The following TRIP12 variants were observed in gnomAD, a reference collection of about 807,000 sequenced individuals.
TRIP12 encodes E3 ubiquitin-protein ligase TRIP12.
A neutral mutation model predicts 244.2 loss-of-function variants in TRIP12; 25 were observed. That is an observed-to-expected ratio of 0.10 (90% CI 0.07 to 0.14). The LOEUF (loss-of-function observed/expected upper bound fraction) is 0.14, where lower values mean the gene tolerates loss of function less well. Among genes scored for constraint, TRIP12 ranks in the 10% least tolerant of loss-of-function variants. The pLI, the probability that TRIP12 is intolerant of heterozygous loss-of-function variation, is 1.00. For missense variants in TRIP12, 1,677 were observed against 2,486.4 expected (o/e 0.67, Z 6.92); for synonymous variants, 905 against 873.1 (o/e 1.04, Z -0.64).
At chr2:229,901,590 T>C (rs2070850666) in intron 1 of TRIP12, among the ~76,000 whole-genome samples, 1 of 143,360 alleles carries the variant, frequency 7.0e-6, no homozygotes, top group African/African-American at 2.6e-5. Context: ...ACCACTGCAC[T>C]CCAGCCTGGG....
At chr2:229,893,862 G>T (rs1385802440) in intron 1 of TRIP12, among the ~76,000 whole-genome samples, 4 of 152,162 alleles carry the variant, frequency 2.6e-5, no homozygotes, top group Admixed American at 2.6e-4. Flanking sequence ...GTGCCGCCAT[G>T]CCTGGCTTTC....
At chr2:229,865,325 AAAAAAAAAAAAAAAAAAAGAAAG>A (rs913464582) in intron 2 of TRIP12, among the ~76,000 whole-genome samples, 6 of 55,684 alleles carry the variant, frequency 1.1e-4, no homozygotes, top group East Asian at 1.0e-3. Context: ...CTACAAAAAA[AAAAAAAAAAAAAAAAAAAGAAAG>A]AAAGAAAGCA....
chr2:229,777,547 A>T, intron 36 of TRIP12, 68 bp from the exon 37 acceptor site: 1 of 1,489,218 alleles, frequency 6.7e-7, no homozygotes, highest in Non-Finnish European at 9.3e-7. Context: ...CATCTAAGGC[A>T]CTTCAGGAGA....
At chr2:229,880,167 C>CA (rs2064525352) in intron 1 of TRIP12, 39 bp from the exon 2 acceptor site, 1 of 1,247,696 alleles carries the variant, frequency 8.0e-7, no homozygotes, top group Non-Finnish European at 1.1e-6. Context: ...ATCAGATGTA[C>CA]AAAATACAAT....
At chr2:229,909,188 T>C (rs574050276) in intron 1 of TRIP12, among the ~76,000 whole-genome samples, 19 of 152,176 alleles carry the variant, frequency 1.2e-4, no homozygotes, top group African/African-American at 4.3e-4. Context: ...ACATTTTATA[T>C]ATCTTTATAA....
intron 2 of TRIP12, among the ~76,000 whole-genome samples, chr2:229,871,597 C>T (rs950886634): frequency 6.6e-6 from 1 of 152,164 alleles, no homozygotes; most frequent in African/African-American, 2.4e-5. Flanking sequence ...TCCCTGAGGC[C>T]CTCACCAGGA....
In TRIP12 at chr2:229,796,553, A is replaced by AT. The variant is rs761226312; in HGVS notation, c.3816+37dup. Reference sequence around the variant, plus strand: ...AAAATATATGCATTAGTGAGCACTGATTCTTAAAAGATACACAGGCATTAT... The same window carrying AT: ...AAAATATATGCATTAGTGAGCACTGATTTCTTAAAAGATACACAGGCATTAT... On this transcript the variant is annotated intron_variant, in intron 25 of 41. Transcript: ENST00000675903. The AT allele has an allele frequency of 9.4e-5, 143 of 1,514,014 alleles. No homozygotes were observed. In the Middle Eastern group the frequency reaches 1.4e-3, roughly 15 times the overall value. 93.8% of individuals were successfully genotyped at this position (1,514,014 alleles called of 1,614,324 possible).
At chr2:229,864,215 G>C (rs1402736645) in intron 2 of TRIP12, among the ~76,000 whole-genome samples, 1 of 152,228 alleles carries the variant, frequency 6.6e-6, no homozygotes, top group East Asian at 1.9e-4. Context: ...GATGGGCCCA[G>C]AGCACACAAA....
intron 1 of TRIP12, among the ~76,000 whole-genome samples, chr2:229,885,523 C>T (rs917536373): frequency 6.6e-6 from 1 of 152,144 alleles, no homozygotes; most frequent in African/African-American, 2.4e-5. Context: ...CAGTTCTGAA[C>T]TACACACACC....
intron 36 of TRIP12, 40 bp from the exon 37 acceptor site, chr2:229,777,519 A>AACTTCC: frequency 6.2e-7 from 1 of 1,604,568 alleles, no homozygotes; most frequent in Non-Finnish European, 8.5e-7. Context: ...TGTCACACTG[A>AACTTCC]ACTTCCAGCA....
intron 1 of TRIP12, among the ~76,000 whole-genome samples, chr2:229,910,225 T>C (rs1487836747): frequency 1.3e-5 from 2 of 152,216 alleles, no homozygotes; most frequent in South Asian, 2.1e-4. Context: ...AATCCTTTAC[T>C]ATTGCATTAA....
chr2:229,797,834 A>G lies in TRIP12; in HGVS notation c.3483-3T>C. 1.2e-6 allele frequency: 2 copies of G among 1,612,592 alleles called. No individual in the cohort carries two copies. The highest frequency in any genetic ancestry group is 1.7e-6 in the Non-Finnish European group (2 of 1,179,308). On this transcript the variant is annotated splice_region_variant and splice_polypyrimidine_tract_variant and intron_variant, in intron 23 of 41. Transcript: ENST00000675903. ...TAATCCAACCTTTAATTTTTTCTCT[A>G]CAAGAAACAAAAAGGAGATATTAAA... is the stretch of plus-strand genomic sequence containing the variant.
chr2:229,801,505 A>G (rs2044338495), intron 21 of TRIP12, among the ~76,000 whole-genome samples: 1 of 152,244 alleles, frequency 6.6e-6, no homozygotes, highest in Admixed American at 6.5e-5. Flanking sequence ...GGAGCCAGAA[A>G]GAGTACTGAA....
At chr2:229,825,839 T>G (rs1308434301) in intron 8 of TRIP12, among the ~76,000 whole-genome samples, 2 of 152,168 alleles carry the variant, frequency 1.3e-5, no homozygotes, top group African/African-American at 2.4e-5. Flanking sequence ...TATCAAAAAT[T>G]ACTAAGGTTA....
At chr2:229,866,286 G>A (rs776588265) in intron 2 of TRIP12, among the ~76,000 whole-genome samples, 2 of 152,134 alleles carry the variant, frequency 1.3e-5, no homozygotes, top group Admixed American at 6.5e-5. Flanking sequence ...GTCAGGCACC[G>A]TTTTTAATGC....
At chr2:229,913,694 C>T (rs148055344) in intron 1 of TRIP12, among the ~76,000 whole-genome samples, 5 of 152,294 alleles carry the variant, frequency 3.3e-5, no homozygotes, top group East Asian at 1.9e-4. Context: ...TTCACAACAT[C>T]GTTTCTCAAT....
intron 4 of TRIP12, among the ~76,000 whole-genome samples, chr2:229,845,831 G>A (rs925765029): frequency 6.6e-6 from 1 of 150,678 alleles, no homozygotes; most frequent in Non-Finnish European, 1.5e-5. Flanking sequence ...TTTGAGACCA[G>A]CCTGGGCAAC....
At position 229,880,056 on chromosome 2, in the gene TRIP12, ATTG is replaced by A. The variant is rs1328565361; in HGVS notation, c.21_23del (p.Asn8del). The A allele has an allele frequency of 6.2e-7, 1 of 1,614,016 alleles. No homozygotes were observed. The highest frequency in any genetic ancestry group is 8.5e-7 in the Non-Finnish European group (1 of 1,180,010). ...GTGAACGTCGCAGTGACCCCCCTGGATTGTTATTAGGCCGGTTGGACATTGGCA... is the reference window on the plus strand; with the variant it reads ...GTGAACGTCGCAGTGACCCCCCTGGATTATTAGGCCGGTTGGACATTGGCA... On this transcript the variant is annotated inframe_deletion, in exon 2 of 42. Transcript: ENST00000675903.
chr2:229,836,425 A>T (rs1335467376), intron 6 of TRIP12, among the ~76,000 whole-genome samples: 1 of 152,370 alleles, frequency 6.6e-6, no homozygotes, highest in East Asian at 1.9e-4. Context: ...TGAGAAGCCC[A>T]TAACAATATA....
Sources: gnomAD v4.1 joint callset for allele counts (sites outside exome capture counted in the v4.1 genomes callset) on GRCh38, gnomAD v4.1.1 for gene constraint, MANE v1.5 for transcripts, NCBI Gene and HGNC (gene_info 2026-07-23, HGNC 2026-07-21) for gene names.